Variants in AGL observed in about 807,000 individuals in gnomAD.
AGL encodes the protein amylo-alpha-1,6-glucosidase and 4-alpha-glucanotransferase.
A neutral mutation model predicts 199.3 loss-of-function variants in AGL; 128 were observed. The observed-to-expected ratio is 0.64, with a 90% CI of 0.56 to 0.74. AGL has a LOEUF of 0.74. Among genes scored for constraint, AGL ranks in the 30% least tolerant of loss-of-function variants. The pLI is 0.00. For synonymous variants in AGL, 584 were observed against 594.7 expected (o/e 0.98, Z 0.26); for missense variants, 1,809 against 1,820.8 (o/e 0.99, Z 0.12).
intron 2 of AGL, among the ~76,000 whole-genome samples, chr1:99,855,056 C>T (rs1296686526): frequency 6.6e-6 from 1 of 151,994 alleles, no homozygotes; most frequent in African/African-American, 2.4e-5. Flanking sequence ...TAAAAATTAG[C>T]CAGGCGTGCT....
chr1:99,883,736 A>C (rs1426746500), intron 17 of AGL, among the ~76,000 whole-genome samples: 1 of 152,108 alleles, frequency 6.6e-6, no homozygotes, highest in African/African-American at 2.4e-5. Flanking sequence ...CAGAGGCTTT[A>C]TTGTATTTGT....
chr1:99,881,076 C>T lies in AGL; in HGVS notation c.1900C>T (p.His634Tyr). 1 of 1,612,720 alleles carries T rather than the reference C, an allele frequency of 6.2e-7. No individual in the cohort carries two copies. Among genetic ancestry groups the T allele is most frequent in the South Asian group, 1.1e-5 (1 of 91,056 alleles). ...ITHDNECPIVHRSAYDALPST... is the reference protein window; with the variant it reads ...ITHDNECPIVYRSAYDALPST... ...TTGCTTTGTTGTTGTTGTCTTCTAG[C>T]ATAGATCAGCGTATGATGCTCTTCC... Residue 634 changes from histidine (H) to tyrosine (Y), a missense_variant and splice_region_variant, in exon 15 of 34, where the codon CAT (histidine) becomes TAT (tyrosine). Transcript: ENST00000361915.
chr1:99,910,940 T>C, intron 28 of AGL, 93 bp downstream of exon 28: 1 of 1,368,240 alleles, frequency 7.3e-7, no homozygotes, highest in Non-Finnish European at 1.0e-6. Context: ...ATGAACTCTT[T>C]ACATTAAGTC....
chr1:99,850,625 A>C (rs1648874091), intron 1 of AGL: 1 of 208,656 alleles, frequency 4.8e-6, no homozygotes, highest in African/African-American at 2.4e-5. Flanking sequence ...TCTTGTAAGC[A>C]GAAGTGCCAT....
intron 27 of AGL, 27 bp from the exon 28 acceptor site, chr1:99,910,685 T>G (rs773263486): frequency 1.5e-6 from 2 of 1,375,140 alleles, no homozygotes; most frequent in Non-Finnish European, 2.0e-6. Context: ...TTATAAAATT[T>G]TATTTTATAC....
chr1:99,862,181 T>TA (rs1229037705), intron 3 of AGL, 76 bp from the exon 4 acceptor site: 2 of 1,350,948 alleles, frequency 1.5e-6, no homozygotes, highest in East Asian at 4.6e-5. Flanking sequence ...ACCTTTTAGT[T>TA]AGAGTCAGAC....
chr1:99,877,873 T>C, intron 12 of AGL, 45 bp downstream of exon 12: 1 of 1,583,680 alleles, frequency 6.3e-7, no homozygotes, highest in Non-Finnish European at 8.7e-7. Flanking sequence ...AAATTCAGTG[T>C]TCCTTCCTAG....
Position 99,923,416 on chromosome 1 carries a change from C to A in AGL, c.*1765C>A, listed in dbSNP as rs998774832. The A allele has an allele frequency of 1.3e-5, 2 of 152,076 alleles. No individual in the cohort carries two copies. The highest frequency in any genetic ancestry group is 2.9e-5 in the Non-Finnish European group (2 of 68,012). 9.4% of individuals were successfully genotyped at this position (152,076 alleles called of 1,614,324 possible). A position where few individuals can be genotyped will look rare whatever the true frequency, so the allele number is the denominator to read the frequency against. ...ATATTTAATCAAAGCAAGAAGTAAT[C>A]GCTGACAGTTAAATGTGACCAAAAA... On this transcript the variant is annotated 3_prime_UTR_variant, in exon 34 of 34. Coordinates refer to ENST00000361915, the MANE Select transcript of AGL (RefSeq NM_000642.3).
chr1:99,888,075 A>G lies in AGL; in HGVS notation c.2779A>G (p.Asn927Asp), dbSNP rs1652585700. The change falls in exon 21 of 34, where the codon AAC becomes GAC. Residue 927 changes from asparagine to aspartate, a missense_variant. Physicochemically the swap from Asn to Asp is conservative, Grantham distance 23. Coordinates refer to ENST00000361915, the MANE Select transcript of AGL (RefSeq NM_000642.3). The part of the protein sequence containing the change: ...EDGGGCYDIP[N>D]WSALKYAGLQ... ...TGGTGGAGGGTGCTATGACATACCA[A>G]ACTGGTCAGCCCTTAAATATGCAGG... 2 of 1,613,336 alleles carry G rather than the reference A, an allele frequency of 1.2e-6. No individual in the cohort carries two copies. Among genetic ancestry groups the G allele is most frequent in the Admixed American group, 3.3e-5 (2 of 59,926 alleles).
chr1:99,896,417 C>A (rs373203802), intron 25 of AGL, 29 bp downstream of exon 25: 6 of 1,498,296 alleles, frequency 4.0e-6, no homozygotes, highest in Non-Finnish European at 5.6e-6. Context: ...TGTTGTACTG[C>A]GAGTTTATGT....
At chr1:99,851,819 G>A (rs1250026115) in intron 2 of AGL, among the ~76,000 whole-genome samples, 1 of 152,118 alleles carries the variant, frequency 6.6e-6, no homozygotes, top group Non-Finnish European at 1.5e-5. Context: ...CCTTATTAAT[G>A]TACCAAATGG....
intron 17 of AGL, among the ~76,000 whole-genome samples, chr1:99,883,277 T>G (rs547685160): frequency 1.3e-5 from 2 of 152,242 alleles, no homozygotes; most frequent in Non-Finnish European, 2.9e-5. Flanking sequence ...ACTTAAAGCT[T>G]AAGTTATTTA....
chr1:99,876,455 T>C lies in AGL; in HGVS notation c.1284-3T>C. ...GATTTAATATTTAATTATATTTTCATAGGTATTTTACTTTCCCATTTGAAG... is the reference window on the plus strand; with the variant it reads ...GATTTAATATTTAATTATATTTTCACAGGTATTTTACTTTCCCATTTGAAG... On this transcript the variant is annotated splice_polypyrimidine_tract_variant and splice_region_variant and intron_variant, in intron 10 of 33. Transcript: ENST00000361915. The C allele has an allele frequency of 6.4e-7, 1 of 1,569,830 alleles. No homozygotes were observed. Among genetic ancestry groups the C allele is most frequent in the Non-Finnish European group, 8.7e-7 (1 of 1,144,862 alleles).
intron 26 of AGL, 137 bp downstream of exon 26, chr1:99,900,998 C>A: frequency 1.3e-6 from 1 of 798,242 alleles, no homozygotes; most frequent in Non-Finnish European, 2.0e-6. Context: ...TGATTTGGCA[C>A]CTGCTGGTAC....
intron 27 of AGL, among the ~76,000 whole-genome samples, chr1:99,906,716 C>G (rs1440031024): frequency 1.3e-5 from 2 of 152,174 alleles, no homozygotes; most frequent in Non-Finnish European, 2.9e-5. Context: ...GGATTCCCTT[C>G]TTTTTCAAGG....
rs746885215 is a variant in AGL, at chr1:99,884,698, T to A, written c.2676T>A (p.Phe892Leu). The A allele has an allele frequency of 6.2e-6, 10 of 1,613,948 alleles. No individual in the cohort carries two copies. The highest frequency in any genetic ancestry group is 8.5e-6 in the Non-Finnish European group (10 of 1,179,898). The change falls in exon 20 of 34, where the codon TTT becomes TTA. Residue 892 changes from phenylalanine to leucine, a missense_variant. Phe to Leu is a conservative substitution (Grantham distance 22). Coordinates refer to ENST00000361915, the MANE Select transcript of AGL (RefSeq NM_000642.3). ...DNADPILKIP[F>L]ASLASRLTLA... ...CAGATCCTATATTAAAAATTCCTTT[T>A]GCTTCGTAAGTATGCCTTGTTTGGT... is the stretch of plus-strand genomic sequence containing the variant.
At chr1:99,908,744 T>C (rs1248238542) in intron 27 of AGL, among the ~76,000 whole-genome samples, 1 of 152,210 alleles carries the variant, frequency 6.6e-6, no homozygotes, top group African/African-American at 2.4e-5. Flanking sequence ...CTGGATCCTA[T>C]GAAATCTTTC....
Position 99,915,470 on chromosome 1 carries a change from A to G in AGL, c.4243A>G (p.Lys1415Glu), listed in dbSNP as rs1474659679. 1 of 1,610,366 alleles carries G rather than the reference A, an allele frequency of 6.2e-7. No individual in the cohort carries two copies. Among genetic ancestry groups the G allele is most frequent in the Non-Finnish European group, 8.5e-7 (1 of 1,176,634 alleles). The change falls in exon 31 of 34, where the codon AAA becomes GAA. Residue 1415 changes from lysine to glutamate, a missense_variant. By Grantham distance (56) the Lys-to-Glu change is moderately conservative. Coordinates refer to ENST00000361915, the MANE Select transcript of AGL (RefSeq NM_000642.3). ...EKKLLGPLGM[K>E]TLDPDDMVYC... The stretch of plus-strand genomic sequence containing the variant: ...AAAATTGCTTGGTCCCCTTGGCATG[A>G]AAACTTTAGATCCAGAGTAAGTTGG...
In AGL at chr1:99,884,101, TG is replaced by T; in HGVS notation, c.2309-18del. 1 of 1,600,716 alleles carries T rather than the reference TG, an allele frequency of 6.2e-7. No individual in the cohort carries two copies. The highest frequency in any genetic ancestry group is 8.6e-7 in the Non-Finnish European group (1 of 1,169,120). On this transcript the variant is annotated intron_variant, in intron 17 of 33. Coordinates refer to ENST00000361915, the MANE Select transcript of AGL (RefSeq NM_000642.3). Reference sequence around the variant, plus strand: ...GATTCCATATGAAATTTTGTTAAAATGTTTTTATGTATTCCTAGGCAAAATT... The same window carrying T: ...GATTCCATATGAAATTTTGTTAAAATTTTTTATGTATTCCTAGGCAAAATT...
Sources: gnomAD v4.1 joint callset for allele counts (sites outside exome capture counted in the v4.1 genomes callset) on GRCh38, gnomAD v4.1.1 for gene constraint, MANE v1.5 for transcripts, NCBI Gene and HGNC (gene_info 2026-07-23, HGNC 2026-07-21) for gene names.